Variants in NEIL3 observed in about 807,000 individuals in gnomAD.
NEIL3 encodes the protein nei like DNA glycosylase 3.
NEIL3 carries 48 observed loss-of-function variants against 57.5 expected under a neutral mutation model. The observed-to-expected ratio is 0.83, with a 90% CI of 0.66 to 1.06. The LOEUF is 1.06. Among genes scored for constraint, NEIL3 ranks in the 50% least tolerant of loss-of-function variants. The probability of loss-of-function intolerance (pLI) is 0.00; values close to 1 mark genes in which losing one functional copy is unlikely to be tolerated. For missense variants in NEIL3, 717 were observed against 739.1 expected, an observed-to-expected ratio of 0.97 and a Z score of 0.35; for synonymous variants, 261 against 253.2, an observed-to-expected ratio of 1.03 and a Z score of -0.29.
downstream of NEIL3, among the ~76,000 whole-genome samples, chr4:177,367,210 A>ATT (rs34017904): frequency 6.7e-6 from 1 of 149,660 alleles, no homozygotes; most frequent in African/African-American, 2.5e-5. Context: ...TTGACAGGTG[A>ATT]TTTTTTTCTC....
intron 8 of NEIL3, among the ~76,000 whole-genome samples, chr4:177,356,016 G>A (rs868590851): frequency 1.3e-5 from 2 of 152,038 alleles, no homozygotes; most frequent in Non-Finnish European, 2.9e-5. Flanking sequence ...AGTGCCTCAT[G>A]ATAGAAGTTC....
intron 8 of NEIL3, among the ~76,000 whole-genome samples, chr4:177,355,290 G>T (rs1014776809): frequency 1.3e-5 from 2 of 152,000 alleles, no homozygotes. Context: ...GTCATCCCTC[G>T]GTATCCTCAA....
At chr4:177,351,206 C>CAAAAAAAAAAAAAAAA (rs749430879) in intron 6 of NEIL3, among the ~76,000 whole-genome samples, 174 bp from the exon 7 acceptor site, 2 of 58,516 alleles carry the variant, frequency 3.4e-5, no homozygotes, top group African/African-American at 7.8e-5. Context: ...CCCATCTCTA[C>CAAAAAAAAAAAAAAAA]AAAAAAAAAA....
intron 2 of NEIL3, among the ~76,000 whole-genome samples, chr4:177,331,852 C>T (rs974059994): frequency 3.0e-4 from 46 of 152,154 alleles, no homozygotes; most frequent in Non-Finnish European, 4.4e-4. Context: ...GGCTTCAGTG[C>T]ACCAACAACT....
intron 6 of NEIL3, among the ~76,000 whole-genome samples, chr4:177,348,273 C>G (rs964482857): frequency 2.0e-5 from 3 of 152,294 alleles, no homozygotes; most frequent in African/African-American, 7.2e-5. Context: ...GGCCTGAGGA[C>G]TTGACTTTGA....
In NEIL3 at chr4:177,360,674, T is replaced by TG; in HGVS notation, c.1633dup (p.Glu545GlyfsTer27). 6.2e-7 allele frequency: 1 copy of TG among 1,606,452 alleles called. No individual in the cohort carries two copies. Among genetic ancestry groups the TG allele is most frequent in the Non-Finnish European group, 8.5e-7 (1 of 1,175,866 alleles). Reference sequence around the variant, plus strand: ...CTAGAGAAGCACAATGTGGATTTTTTGAAGTATGTGTAAGATTTATCTAGC... The same window carrying TG: ...CTAGAGAAGCACAATGTGGATTTTTTGGAAGTATGTGTAAGATTTATCTAGC... On this transcript the variant is annotated frameshift_variant, in exon 9 of 10. Transcript: ENST00000264596. LOFTEE classifies it high-confidence loss of function.
intron 2 of NEIL3, among the ~76,000 whole-genome samples, chr4:177,334,381 A>G (rs1046051664): frequency 6.6e-6 from 1 of 152,244 alleles, no homozygotes; most frequent in Admixed American, 6.5e-5. Flanking sequence ...TTGATTTATA[A>G]GTCAGAGCCA....
At chr4:177,330,904 T>C (rs1433441413) in intron 2 of NEIL3, among the ~76,000 whole-genome samples, 1 of 152,176 alleles carries the variant, frequency 6.6e-6, no homozygotes, top group Non-Finnish European at 1.5e-5. Context: ...ACTTGCCACA[T>C]GTGGGTAGTG....
At chr4:177,368,779 G>A in the NEIL3 span, among the ~76,000 whole-genome samples, 1 of 152,180 alleles carries the variant, frequency 6.6e-6, no homozygotes. Flanking sequence ...AATCTTTCCA[G>A]TAGTTTAAAT....
chr4:177,370,114 G>A, the NEIL3 span, among the ~76,000 whole-genome samples: 1 of 152,178 alleles, frequency 6.6e-6, no homozygotes, highest in Non-Finnish European at 1.5e-5. Flanking sequence ...ATTTGGAAGA[G>A]ATGCTGGGGT....
intron 7 of NEIL3, 68 bp from the exon 8 acceptor site, chr4:177,353,240 A>G: frequency 1.5e-6 from 2 of 1,316,718 alleles, no homozygotes; most frequent in Non-Finnish European, 2.1e-6. Flanking sequence ...TCAAATAAAA[A>G]GATGTTTCAC....
chr4:177,315,047 C>T (rs1190667319), intron 1 of NEIL3, among the ~76,000 whole-genome samples: 1 of 123,542 alleles, frequency 8.1e-6, no homozygotes. Flanking sequence ...CGAGCCTGGG[C>T]AACAGAGCGA....
intron 7 of NEIL3, among the ~76,000 whole-genome samples, chr4:177,352,825 G>A (rs867294917): frequency 4.6e-5 from 6 of 130,810 alleles, no homozygotes; most frequent in Admixed American, 7.6e-5. Context: ...ACAAGACTCC[G>A]TTTCAAAAAA....
chr4:177,369,773 G>A, the NEIL3 span, among the ~76,000 whole-genome samples: 10 of 152,184 alleles, frequency 6.6e-5, no homozygotes, highest in African/African-American at 1.9e-4. Flanking sequence ...GTGTGTGCTA[G>A]GTCTTAGATG....
At chr4:177,366,172 T>C (rs2110952098), downstream of NEIL3, among the ~76,000 whole-genome samples, 1 of 152,350 alleles carries the variant, frequency 6.6e-6, no homozygotes, top group Middle Eastern at 3.4e-3. Context: ...TTAGTTTCTT[T>C]AAAACATATG....
chr4:177,340,740 C>T (rs1234654223), intron 5 of NEIL3, among the ~76,000 whole-genome samples: 6 of 152,076 alleles, frequency 3.9e-5, no homozygotes, highest in South Asian at 4.1e-4. Context: ...TCAGCTCATA[C>T]GTGGTGAGCC....
intron 6 of NEIL3, among the ~76,000 whole-genome samples, chr4:177,349,363 TG>T (rs1735303316): frequency 6.6e-6 from 1 of 152,032 alleles, no homozygotes; most frequent in Non-Finnish European, 1.5e-5. Flanking sequence ...CTGGAGGAAC[TG>T]GGGGGAATCA....
At position 177,338,022 on chromosome 4, in the gene NEIL3, T is replaced by TCACA. The variant is rs201094152; in HGVS notation, c.627+1702_627+1703insACAC. On this transcript the variant is annotated intron_variant, in intron 4 of 9. Coordinates refer to ENST00000264596, the MANE Select transcript of NEIL3 (RefSeq NM_018248.3). Reference sequence around the variant, plus strand: ...AACAGAGCGAGACTCTGTCTCTCTCTCTCACACACACACACACACACACAC... The same window carrying TCACA: ...AACAGAGCGAGACTCTGTCTCTCTCTCACACTCACACACACACACACACACACAC... Among the ~76,000 whole-genome samples, 375 of 129,240 alleles carry TCACA rather than the reference T, an allele frequency of 2.9e-3. 2 individuals carry two copies. Among genetic ancestry groups the TCACA allele is most frequent in the East Asian group, 0.014 (70 of 4,854 alleles). The allele number at this position is 129,240 out of a possible 152,430, so 84.8% of individuals were successfully genotyped here.
chr4:177,369,224 G>C, the NEIL3 span, among the ~76,000 whole-genome samples: 3 of 152,150 alleles, frequency 2.0e-5, no homozygotes, highest in African/African-American at 7.2e-5. Context: ...CAGGAAAGAG[G>C]TAGGAAAGAG....
Sources: gnomAD v4.1 joint callset for allele counts (sites outside exome capture counted in the v4.1 genomes callset) on GRCh38, gnomAD v4.1.1 for gene constraint, MANE v1.5 for transcripts, NCBI Gene and HGNC (gene_info 2026-07-23, HGNC 2026-07-21) for gene names.